INVS: variants seen among roughly 807,000 people sequenced by gnomAD.
The protein encoded by INVS is inversin.
Under a neutral mutation model 108.8 loss-of-function variants are expected in INVS, and 86 were observed. The ratio of observed to expected loss-of-function variants is 0.79; its 90% CI spans 0.66 to 0.95. The LOEUF (loss-of-function observed/expected upper bound fraction) is 0.95. Ranked by LOEUF, INVS falls within the 40% of genes least tolerant of loss-of-function variation. The probability of loss-of-function intolerance (pLI) is 0.00; values close to 1 mark genes in which losing one functional copy is unlikely to be tolerated. For synonymous variants in INVS, 455 were observed against 473.5 expected (o/e 0.96, Z 0.51); for missense variants, 1,169 against 1,297.4 (o/e 0.90, Z 1.52).
chr9:100,261,192 G>T (rs952892889), intron 10 of INVS, among the ~76,000 whole-genome samples: 8 of 151,332 alleles, frequency 5.3e-5, no homozygotes, highest in Non-Finnish European at 1.2e-4. Flanking sequence ...TATCAAGATT[G>T]TTACTGTATG....
At position 100,099,347 on chromosome 9, in the gene INVS, G is replaced by C. The variant is rs573639725; in HGVS notation, c.-94G>C. On this transcript the variant is annotated 5_prime_UTR_variant, in exon 1 of 17. Coordinates refer to ENST00000262457, the MANE Select transcript of INVS (RefSeq NM_014425.5). ...TGGATATAGTGTACCGGCCCGGCAG[G>C]AGGGGCGGCCCGGTCCGGGTTGCGC... The C allele has an allele frequency of 6.5e-6, 1 of 153,060 alleles. No homozygotes were observed. Among genetic ancestry groups the C allele is most frequent in the Non-Finnish European group, 1.5e-5 (1 of 68,330 alleles). The allele number at this position is 153,060 out of a possible 1,614,324, so 9.5% of individuals were successfully genotyped here. A position where few individuals can be genotyped will look rare whatever the true frequency, so the allele number is the denominator to read the frequency against.
At chr9:100,250,546 G>GTGT (rs1554726317) in intron 8 of INVS, among the ~76,000 whole-genome samples, 11 of 151,612 alleles carry the variant, frequency 7.3e-5, no homozygotes, top group Admixed American at 1.3e-4. Flanking sequence ...ATTACTAGAG[G>GTGT]TGTTTAAATT....
intron 3 of INVS, among the ~76,000 whole-genome samples, chr9:100,163,746 A>G (rs1168130803): frequency 1.3e-5 from 2 of 152,202 alleles, no homozygotes; most frequent in African/African-American, 4.8e-5. Flanking sequence ...TCTGGGAGAG[A>G]ATATGCCAAG....
At chr9:100,100,968 A>G (rs1587996017) in intron 1 of INVS, among the ~76,000 whole-genome samples, 1 of 70,552 alleles carries the variant, frequency 1.4e-5, no homozygotes, top group East Asian at 3.3e-4. Context: ...TATATATAAT[A>G]TATATTATAT....
intron 3 of INVS, among the ~76,000 whole-genome samples, chr9:100,135,329 GCT>G (rs997187925): frequency 4.6e-5 from 7 of 152,098 alleles, no homozygotes; most frequent in African/African-American, 1.7e-4. Flanking sequence ...CTGTGTCTAT[GCT>G]CTTATCCAGG....
At chr9:100,100,207 T>G (rs1826778759) in intron 1 of INVS, among the ~76,000 whole-genome samples, 1 of 151,818 alleles carries the variant, frequency 6.6e-6, no homozygotes. Context: ...TTTATTTTCT[T>G]AAAGGGGCAA....
chr9:100,300,410 A>G (rs899643224), intron 16 of INVS, among the ~76,000 whole-genome samples, 158 bp from the exon 17 acceptor site: 1 of 152,188 alleles, frequency 6.6e-6, no homozygotes, highest in African/African-American at 2.4e-5. Context: ...CAGGAAATAT[A>G]AAGCTATTAT....
chr9:100,108,133 G>A (rs1006610319), intron 2 of INVS, among the ~76,000 whole-genome samples: 5 of 152,064 alleles, frequency 3.3e-5, no homozygotes, highest in African/African-American at 1.2e-4. Flanking sequence ...AAAGAAAAAA[G>A]TGCAGTATGT....
intron 3 of INVS, among the ~76,000 whole-genome samples, chr9:100,129,241 G>A (rs936750217): frequency 3.9e-5 from 6 of 151,910 alleles, no homozygotes; most frequent in Non-Finnish European, 8.8e-5. Context: ...TAGGACTTTG[G>A]GAGGCCAAGG....
At position 100,275,666 on chromosome 9, in the gene INVS, T is replaced by G. The variant is rs150095418; in HGVS notation, c.1784+2590T>G. Among the ~76,000 whole-genome samples, 669 of 152,312 alleles carry G rather than the reference T, an allele frequency of 4.4e-3. 6 individuals are homozygous for G. The highest frequency in any genetic ancestry group is 0.015 in the African/African-American group (630 of 41,556). On this transcript the variant is annotated intron_variant, in intron 12 of 16. Coordinates refer to ENST00000262457, the MANE Select transcript of INVS (RefSeq NM_014425.5). ...TCGGTGTACCTTTCCCAGTTTATTA[T>G]GTTAGGATGGCAGAAATCATTTTCC... is the stretch of plus-strand genomic sequence containing the variant.
chr9:100,186,813 T>C (rs923031012), intron 3 of INVS, among the ~76,000 whole-genome samples: 2 of 152,198 alleles, frequency 1.3e-5, no homozygotes, highest in Non-Finnish European at 2.9e-5. Context: ...TTGTGGGTTG[T>C]CTGTTTACTC....
chr9:100,117,509 C>G, intron 2 of INVS: 1 of 844,142 alleles, frequency 1.2e-6, no homozygotes, highest in South Asian at 1.4e-5. Flanking sequence ...GCCCGGGCCC[C>G]GTCCACGGCC....
At chr9:100,148,246 T>TA (rs1828690816) in intron 3 of INVS, among the ~76,000 whole-genome samples, 2 of 152,156 alleles carry the variant, frequency 1.3e-5, no homozygotes, top group East Asian at 3.9e-4. Flanking sequence ...AAGAAACTAA[T>TA]AAAATAATTT....
chr9:100,158,058 A>G (rs945449206), intron 3 of INVS, among the ~76,000 whole-genome samples: 14 of 152,068 alleles, frequency 9.2e-5, no homozygotes, highest in Admixed American at 5.2e-4. Flanking sequence ...AGCATATCCA[A>G]TTTTTCATTC....
intron 2 of INVS, among the ~76,000 whole-genome samples, chr9:100,123,842 G>C (rs1009835487): frequency 6.6e-6 from 1 of 152,252 alleles, no homozygotes; most frequent in South Asian, 2.1e-4. Flanking sequence ...TTTTTGTTCT[G>C]TTACCCAGGC....
chr9:100,100,682 T>A (rs1422756947), intron 1 of INVS, among the ~76,000 whole-genome samples: 1 of 31,182 alleles, frequency 3.2e-5, no homozygotes, highest in African/African-American at 2.5e-4. Flanking sequence ...GTACATATAA[T>A]ATATATATTA....
At chr9:100,136,264 T>C (rs1828220483) in intron 3 of INVS, among the ~76,000 whole-genome samples, 1 of 152,192 alleles carries the variant, frequency 6.6e-6, no homozygotes, top group African/African-American at 2.4e-5. Context: ...AGGAAAAGTA[T>C]GGACGGAAGA....
At chr9:100,215,401 G>A (rs1830955770) in intron 3 of INVS, 1 of 152,186 alleles carries the variant, frequency 6.6e-6, no homozygotes, top group Admixed American at 6.5e-5. Flanking sequence ...TATTTCCCAG[G>A]AGGCTACAAG....
At chr9:100,173,108 C>CTAGA (rs1353105997) in intron 3 of INVS, among the ~76,000 whole-genome samples, 1 of 152,170 alleles carries the variant, frequency 6.6e-6, no homozygotes, top group Non-Finnish European at 1.5e-5. Context: ...ACTCAACCAT[C>CTAGA]TAGAAAGCCT....
Sources: gnomAD v4.1 joint callset for allele counts (sites outside exome capture counted in the v4.1 genomes callset) on GRCh38, gnomAD v4.1.1 for gene constraint, MANE v1.5 for transcripts, NCBI Gene and HGNC (gene_info 2026-07-23, HGNC 2026-07-21) for gene names.